The following FOXN3 variants were observed in gnomAD, a reference collection of about 807,000 sequenced individuals.
The protein encoded by FOXN3 is forkhead box N3.
Under a neutral mutation model 38.4 loss-of-function variants are expected in FOXN3, and 7 were observed. The observed-to-expected ratio is 0.18, with a 90% CI of 0.10 to 0.34. The LOEUF (loss-of-function observed/expected upper bound fraction) is 0.34. Among genes scored for constraint, FOXN3 ranks in the 10% least tolerant of loss-of-function variants. FOXN3 has a pLI of 1.00. For missense variants in FOXN3, 456 were observed against 613.4 expected, an observed-to-expected ratio of 0.74 and a Z score of 2.71; for synonymous variants, 230 against 242.2, an observed-to-expected ratio of 0.95 and a Z score of 0.47.
At chr14:89,218,138 T>C (rs1430374472) in intron 4 of FOXN3, among the ~76,000 whole-genome samples, 1 of 152,210 alleles carries the variant, frequency 6.6e-6, no homozygotes, top group Non-Finnish European at 1.5e-5. Context: ...AAGCCCTTAA[T>C]TCCCCCTGGG....
At chr14:89,197,234 G>A (rs1369207389) in intron 4 of FOXN3, among the ~76,000 whole-genome samples, 1 of 152,208 alleles carries the variant, frequency 6.6e-6, no homozygotes, top group Non-Finnish European at 1.5e-5. Flanking sequence ...TAGGCTGGGA[G>A]TGGTAGCTTG....
intron 2 of FOXN3, among the ~76,000 whole-genome samples, chr14:89,403,460 A>T (rs1333916603): frequency 1.3e-5 from 2 of 152,160 alleles, no homozygotes; most frequent in Non-Finnish European, 2.9e-5. Context: ...TCGGCTTCCC[A>T]AAGTGCTAGG....
At chr14:89,385,838 A>T (rs1011325221) in intron 2 of FOXN3, among the ~76,000 whole-genome samples, 3 of 152,250 alleles carry the variant, frequency 2.0e-5, no homozygotes, top group African/African-American at 7.2e-5. Context: ...ACGTTCTCTC[A>T]GGCCTCTTAC....
At chr14:89,377,298 C>T (rs1050754840) in intron 2 of FOXN3, among the ~76,000 whole-genome samples, 9 of 145,896 alleles carry the variant, frequency 6.2e-5, no homozygotes, top group Middle Eastern at 3.2e-3. Flanking sequence ...CACATCTTCA[C>T]TGGATGCTGG....
At chr14:89,587,265 T>C (rs1895858991) in intron 1 of FOXN3, among the ~76,000 whole-genome samples, 1 of 152,262 alleles carries the variant, frequency 6.6e-6, no homozygotes. Flanking sequence ...CGACTGCCAA[T>C]TTAAATGTTA....
At chr14:89,423,792 C>A (rs1196796912) in intron 1 of FOXN3, among the ~76,000 whole-genome samples, 2 of 152,214 alleles carry the variant, frequency 1.3e-5, no homozygotes, top group Non-Finnish European at 2.9e-5. Context: ...AGTGGTATAA[C>A]TTTTCAAGAG....
chr14:89,166,126 C>T (rs144700534), intron 5 of FOXN3, among the ~76,000 whole-genome samples: 209 of 152,204 alleles, frequency 1.4e-3, no homozygotes, highest in African/African-American at 4.9e-3. Context: ...TAAGTTTGAA[C>T]ATTTTTTAAA....
chr14:89,258,066 T>TACAC lies in FOXN3; in HGVS notation c.745+22880_745+22883dup, dbSNP rs137929543. Among the ~76,000 whole-genome samples the TACAC allele has an allele frequency of 6.6e-5, 10 of 150,846 alleles. No individual in the cohort carries two copies. In the East Asian group the frequency reaches 1.9e-3, roughly 29 times the overall value. On this transcript the variant is annotated intron_variant, in intron 4 of 5. Coordinates refer to ENST00000557258, the MANE Select transcript of FOXN3 (RefSeq NM_005197.4). ...GGGAATGACCAACCATCCTTGAGTG[T>TACAC]ACACACACACACACACGCACTAGAG...
At chr14:89,387,204 C>T (rs1301663387) in intron 2 of FOXN3, among the ~76,000 whole-genome samples, 5 of 152,136 alleles carry the variant, frequency 3.3e-5, no homozygotes, top group Admixed American at 2.6e-4. Context: ...TGCAGTAAGC[C>T]GAGATCGTGC....
chr14:89,562,873 G>C (rs1895278369), intron 1 of FOXN3, among the ~76,000 whole-genome samples: 1 of 152,178 alleles, frequency 6.6e-6, no homozygotes, highest in African/African-American at 2.4e-5. Context: ...TAGGTTTAGA[G>C]CCAAAATCAA....
At chr14:89,248,806 C>T (rs1427759844) in intron 4 of FOXN3, among the ~76,000 whole-genome samples, 1 of 152,288 alleles carries the variant, frequency 6.6e-6, no homozygotes, top group African/African-American at 2.4e-5. Context: ...ATCCAAGAAA[C>T]AGGTGAATTT....
At chr14:89,554,782 C>CTTTTTTTTTTTTTTTTT (rs34530866) in intron 1 of FOXN3, among the ~76,000 whole-genome samples, 6 of 68,590 alleles carry the variant, frequency 8.7e-5, no homozygotes, top group African/African-American at 3.1e-4. Flanking sequence ...ACTAGCATTT[C>CTTTTTTTTTTTTTTTTT]TTTTTTTTTT....
chr14:89,415,627 A>C (rs998015349), intron 1 of FOXN3, among the ~76,000 whole-genome samples: 3 of 141,860 alleles, frequency 2.1e-5, no homozygotes, highest in Non-Finnish European at 4.6e-5. Flanking sequence ...AAAAAAAAAA[A>C]AAAACAGTTC....
chr14:89,447,260 G>T (rs987109671), intron 1 of FOXN3, among the ~76,000 whole-genome samples: 6 of 151,152 alleles, frequency 4.0e-5, no homozygotes, highest in African/African-American at 7.3e-5. Flanking sequence ...GGGTATTCCC[G>T]TTGTAATGCC....
chr14:89,462,581 G>C (rs1448983446), intron 1 of FOXN3, among the ~76,000 whole-genome samples: 1 of 152,168 alleles, frequency 6.6e-6, no homozygotes, highest in Admixed American at 6.5e-5. Context: ...CCTTCTTCCT[G>C]ATGGGGACTC....
chr14:89,209,571 T>TA (rs1888469851), intron 4 of FOXN3, among the ~76,000 whole-genome samples: 2 of 152,180 alleles, frequency 1.3e-5, no homozygotes, highest in African/African-American at 4.8e-5. Flanking sequence ...CCCTGAGAAA[T>TA]ACAGTTTTTA....
At chr14:89,516,556 G>A in intron 1 of FOXN3, among the ~76,000 whole-genome samples, 1 of 104,870 alleles carries the variant, frequency 9.5e-6, no homozygotes, top group East Asian at 2.3e-4. Context: ...CAGGCTGCCA[G>A]TAGTTTTTTT....
intron 4 of FOXN3, among the ~76,000 whole-genome samples, chr14:89,202,207 A>T (rs1888253054): frequency 6.6e-6 from 1 of 152,170 alleles, no homozygotes; most frequent in Non-Finnish European, 1.5e-5. Flanking sequence ...TTGCCTGGGG[A>T]TGTATGTCTT....
intron 5 of FOXN3, among the ~76,000 whole-genome samples, chr14:89,166,283 G>A (rs1361515850): frequency 6.6e-6 from 1 of 152,046 alleles, no homozygotes; most frequent in Admixed American, 6.5e-5. Context: ...TTAAAGAGGG[G>A]GATCCAAATG....
Sources: allele counts gnomAD v4.1 joint callset (sites outside exome capture counted in the v4.1 genomes callset), GRCh38; gene constraint gnomAD v4.1.1; transcripts MANE v1.5; gene names NCBI Gene and HGNC (gene_info 2026-07-23, HGNC 2026-07-21).